Variants in IL10RB observed in about 807,000 individuals in gnomAD.
IL10RB encodes interleukin-10 receptor subunit beta.
In IL10RB, 30 loss-of-function variants were observed where a neutral mutation model predicts 38.7. The ratio of observed to expected loss-of-function variants is 0.78; its 90% CI spans 0.58 to 1.05. The LOEUF is 1.05. Among genes scored for constraint, IL10RB ranks in the 50% least tolerant of loss-of-function variants. IL10RB has a pLI of 0.00. For missense variants in IL10RB, 328 were observed against 397.1 expected (o/e 0.83, Z 1.48); for synonymous variants, 142 against 145.9 (o/e 0.97, Z 0.19).
intron 6 of IL10RB, among the ~76,000 whole-genome samples, chr21:33,292,711 T>C (rs1229445667): frequency 2.0e-5 from 3 of 152,174 alleles, no homozygotes; most frequent in African/African-American, 7.2e-5. Context: ...CTCTCGTATC[T>C]ATGTTGTGAC....
chr21:33,303,957 T>G (rs1050773357), intron 1 of IL10RB, among the ~76,000 whole-genome samples: 1 of 152,094 alleles, frequency 6.6e-6, no homozygotes, highest in Non-Finnish European at 1.5e-5. Flanking sequence ...AGAGAGGGGC[T>G]TGGGAGGAAA....
In IL10RB at chr21:33,296,598, C is replaced by T; in HGVS notation, c.*241C>T. 1.5e-6 allele frequency: 1 copy of T among 651,132 alleles called. No individual in the cohort carries two copies. The allele number at this position is 651,132 out of a possible 1,614,324, so 40.3% of individuals were successfully genotyped here. A position where few individuals can be genotyped will look rare whatever the true frequency, so the allele number is the denominator to read the frequency against. On this transcript the variant is annotated 3_prime_UTR_variant, in exon 7 of 7. Coordinates refer to ENST00000290200, the MANE Select transcript of IL10RB (RefSeq NM_000628.5). ...CTTTCATGATGTTTTCAGAAGTTGG[C>T]CACTGAGAGTGTAATTTTCAGCCTT... is the stretch of plus-strand genomic sequence containing the variant.
intron 6 of IL10RB, among the ~76,000 whole-genome samples, chr21:33,291,952 G>A (rs999738850): frequency 1.3e-5 from 2 of 152,190 alleles, no homozygotes; most frequent in Non-Finnish European, 2.9e-5. Context: ...GTGTTCATGA[G>A]CCCTGTGCCA....
intron 6 of IL10RB, among the ~76,000 whole-genome samples, chr21:33,293,684 G>A (rs1215999636): frequency 6.6e-6 from 1 of 152,182 alleles, no homozygotes; most frequent in Admixed American, 6.5e-5. Context: ...AGCCACGCCT[G>A]TAATCCCAGC....
chr21:33,294,373 G>A lies in IL10RB; in HGVS notation c.805-1811G>A, dbSNP rs185326230. Among the ~76,000 whole-genome samples, 23 of 116,760 alleles carry A rather than the reference G, an allele frequency of 2.0e-4. 1 individual carries two copies. The highest frequency in any genetic ancestry group is 8.9e-4 in the African/African-American group (21 of 23,464). The allele number at this position is 116,760 out of a possible 152,430, so 76.6% of individuals were successfully genotyped here. ...TCTATTGAGCCAGCCACCAGTTTGT[G>A]TGTGTGTGTGTGTGTGCGTGTGTGT... On this transcript the variant is annotated intron_variant, in intron 6 of 6. Transcript: ENST00000290200.
At chr21:33,289,424 G>C (rs1989441152) in intron 6 of IL10RB, among the ~76,000 whole-genome samples, 2 of 91,336 alleles carry the variant, frequency 2.2e-5, no homozygotes, top group Admixed American at 2.5e-4. Context: ...ATGCTTGTGG[G>C]CTGGCTCCTT....
Position 33,275,152 on chromosome 21 carries a change from CTTT to C in IL10RB, c.174-1425_174-1423del, listed in dbSNP as rs71320298. On this transcript the variant is annotated intron_variant, in intron 2 of 6. Transcript: ENST00000290200. ...CAACCTCTGCTAACTTCCAACTTTT[CTTT>C]TTTTTTTTTTTTTTTTTTGAGATGG... Among the ~76,000 whole-genome samples the C allele has an allele frequency of 6.1e-3, 620 of 102,258 alleles. 4 individuals are homozygous for C. Among genetic ancestry groups the C allele is most frequent in the African/African-American group, 0.022 (593 of 27,256 alleles). 67.1% of individuals were successfully genotyped at this position (102,258 alleles called of 152,430 possible).
At chr21:33,293,324 C>T (rs1334626836) in intron 6 of IL10RB, among the ~76,000 whole-genome samples, 1 of 152,238 alleles carries the variant, frequency 6.6e-6, no homozygotes, top group African/African-American at 2.4e-5. Context: ...GAGCCTTGAC[C>T]GAGGCAACTG....
chr21:33,283,475 G>A (rs1989317202), intron 5 of IL10RB, among the ~76,000 whole-genome samples: 1 of 152,132 alleles, frequency 6.6e-6, no homozygotes, highest in Non-Finnish European at 1.5e-5. Context: ...CTGTCTGGTG[G>A]AGCGAGGTCT....
chr21:33,299,889 G>A (rs1303241139), downstream of IL10RB, among the ~76,000 whole-genome samples: 5 of 152,086 alleles, frequency 3.3e-5, no homozygotes, highest in East Asian at 5.8e-4. Flanking sequence ...CAAAGGGGTC[G>A]CTTTCTTTTA....
chr21:33,272,779 C>T (rs1302700952), intron 2 of IL10RB, among the ~76,000 whole-genome samples: 1 of 152,196 alleles, frequency 6.6e-6, no homozygotes, highest in African/African-American at 2.4e-5. Context: ...AGAGCCTGGG[C>T]TTCCTTTGAT....
chr21:33,290,313 T>C (rs1315776896), intron 6 of IL10RB, among the ~76,000 whole-genome samples: 2 of 151,840 alleles, frequency 1.3e-5, no homozygotes, highest in Admixed American at 1.3e-4. Context: ...TTAAAATTTA[T>C]ATATATATAT....
chr21:33,287,720 A>G (rs991285980), intron 5 of IL10RB, among the ~76,000 whole-genome samples: 2 of 152,068 alleles, frequency 1.3e-5, no homozygotes, highest in East Asian at 1.9e-4. Context: ...TTTTCTCAAT[A>G]TAGAACGAGA....
At chr21:33,301,102 GA>G (rs1012828816), downstream of IL10RB, among the ~76,000 whole-genome samples, 1 of 152,198 alleles carries the variant, frequency 6.6e-6, no homozygotes, top group Non-Finnish European at 1.5e-5. Context: ...GGAGTTAGCT[GA>G]GAATGACTGG....
intron 6 of IL10RB, among the ~76,000 whole-genome samples, chr21:33,290,837 C>T (rs976326864): frequency 2.0e-5 from 3 of 152,208 alleles, no homozygotes; most frequent in South Asian, 2.1e-4. Flanking sequence ...TGTGATACGG[C>T]GTCTCTACTA....
intron 3 of IL10RB, among the ~76,000 whole-genome samples, chr21:33,278,289 C>T (rs551426061): frequency 1.3e-5 from 2 of 152,224 alleles, no homozygotes; most frequent in Non-Finnish European, 2.9e-5. Flanking sequence ...CCCATGACCC[C>T]TACAGTTACA....
chr21:33,308,805 C>T (rs1214343124), intron 1 of IL10RB: 2 of 152,260 alleles, frequency 1.3e-5, no homozygotes, highest in Non-Finnish European at 2.9e-5. Flanking sequence ...GGCCTACTGG[C>T]TCAGCGACTG....
At chr21:33,267,517 T>G (rs559289650) in intron 1 of IL10RB, among the ~76,000 whole-genome samples, 15 of 128,100 alleles carry the variant, frequency 1.2e-4, no homozygotes, top group African/African-American at 4.1e-4. Context: ...TTTGTTTTTT[T>G]GTTTTTTTTT....
At chr21:33,275,448 A>C (rs1028107967) in intron 2 of IL10RB, among the ~76,000 whole-genome samples, 1 of 151,964 alleles carries the variant, frequency 6.6e-6, no homozygotes, top group African/African-American at 2.4e-5. Context: ...GAGCCACCAC[A>C]CCCAGCCCCA....
Sources: allele counts gnomAD v4.1 joint callset (sites outside exome capture counted in the v4.1 genomes callset), GRCh38; gene constraint gnomAD v4.1.1; transcripts MANE v1.5; gene names NCBI Gene and HGNC (gene_info 2026-07-23, HGNC 2026-07-21).